ZC4H2: variants seen among roughly 807,000 people sequenced by gnomAD.
ZC4H2 encodes zinc finger C4H2-type containing.
For missense variants in ZC4H2, 137 were observed against 173.9 expected (o/e 0.79, Z 1.19); for synonymous variants, 84 against 66.3 (o/e 1.27, Z -1.30).
At chrX:64,919,291 G>A (rs1929075241) in intron 3 of ZC4H2, 87 bp from the exon 4 acceptor site, 2 of 1,078,436 alleles carry the variant, frequency 1.9e-6, no homozygotes, top group Admixed American at 2.3e-5. Context: ...TACAACCAAG[G>A]GTTGAGCTGT....
intron 1 of ZC4H2, among the ~76,000 whole-genome samples, chrX:64,992,293 C>T (rs1021201191): frequency 1.1e-4 from 12 of 111,272 alleles, no homozygotes; most frequent in Non-Finnish European, 1.7e-4. Flanking sequence ...GTTCACCTTC[C>T]CTGCCTGACT....
intron 1 of ZC4H2, among the ~76,000 whole-genome samples, chrX:65,005,567 AT>A (rs1165001423): frequency 9.0e-6 from 1 of 110,786 alleles, no homozygotes; most frequent in East Asian, 2.8e-4. Flanking sequence ...CTCAAGATGG[AT>A]TAAAGACTTA....
intron 1 of ZC4H2, among the ~76,000 whole-genome samples, chrX:64,965,019 T>C (rs1398699912): frequency 2.7e-5 from 3 of 111,877 alleles, no homozygotes; most frequent in Non-Finnish European, 5.6e-5. Flanking sequence ...ATAAGTTAAA[T>C]GGAATCATAA....
intron 1 of ZC4H2, among the ~76,000 whole-genome samples, chrX:64,993,005 C>T (rs771961206): frequency 9.0e-6 from 1 of 111,427 alleles, no homozygotes; most frequent in South Asian, 3.8e-4. Context: ...TGGTCCTGGG[C>T]CCCTTAACTG....
At chrX:64,961,688 G>A (rs1386291062) in intron 1 of ZC4H2, among the ~76,000 whole-genome samples, 1 of 110,520 alleles carries the variant, frequency 9.0e-6, no homozygotes, top group East Asian at 2.8e-4. Flanking sequence ...TAGACTAAGA[G>A]AAAATAGAAA....
intron 1 of ZC4H2, among the ~76,000 whole-genome samples, chrX:64,924,862 C>G (rs779544628): frequency 9.0e-6 from 1 of 111,058 alleles, no homozygotes; most frequent in South Asian, 3.9e-4. Context: ...TAAAACATAG[C>G]TTGGAGAATG....
At chrX:64,978,893 C>T (rs1399689147), upstream of ZC4H2, among the ~76,000 whole-genome samples, 1 of 111,257 alleles carries the variant, frequency 9.0e-6, no homozygotes, top group South Asian at 3.8e-4. Context: ...TATGAACAGC[C>T]TTTGAGATTT....
chrX:64,944,846 T>A (rs1370337058), intron 1 of ZC4H2, among the ~76,000 whole-genome samples: 3 of 112,418 alleles, frequency 2.7e-5, no homozygotes, highest in Admixed American at 9.4e-5. Context: ...ATCTCTAATA[T>A]CTTTTCTTCT....
intron 1 of ZC4H2, among the ~76,000 whole-genome samples, chrX:64,940,167 G>A (rs1041190558): frequency 2.7e-5 from 3 of 111,782 alleles, no homozygotes; most frequent in South Asian, 3.7e-4. Context: ...CAGTGATGAC[G>A]AGCTTTTCTT....
chrX:65,028,557 A>C (rs751107697), intron 1 of ZC4H2, among the ~76,000 whole-genome samples: 1 of 108,455 alleles, frequency 9.2e-6, no homozygotes, highest in Non-Finnish European at 1.9e-5. Flanking sequence ...TTTGAGACAG[A>C]GTCTTGCTCT....
intron 1 of ZC4H2, among the ~76,000 whole-genome samples, chrX:64,941,634 G>A (rs901655946): frequency 1.8e-5 from 2 of 112,117 alleles, no homozygotes; most frequent in African/African-American, 3.2e-5. Flanking sequence ...TGTCTTTTCT[G>A]CATCTATTGA....
chrX:64,996,695 A>T (rs1932420327), intron 1 of ZC4H2, among the ~76,000 whole-genome samples: 1 of 111,388 alleles, frequency 9.0e-6, no homozygotes, highest in African/African-American at 3.3e-5. Context: ...TAACTGAAAT[A>T]AAAAAAATTC....
At chrX:64,974,973 CAAAAAA>C (rs58569761) in intron 1 of ZC4H2, among the ~76,000 whole-genome samples, 1 of 35,844 alleles carries the variant, frequency 2.8e-5, no homozygotes, top group Admixed American at 3.8e-4. Context: ...ATGCTTTTGC[CAAAAAA>C]AAAAAAAAAA....
intron 1 of ZC4H2, among the ~76,000 whole-genome samples, chrX:65,015,194 T>C (rs1932789451): frequency 9.0e-6 from 1 of 111,553 alleles, no homozygotes; most frequent in African/African-American, 3.3e-5. Flanking sequence ...ATGCTAGAAA[T>C]AGGACTCAGA....
intron 1 of ZC4H2, among the ~76,000 whole-genome samples, chrX:64,985,971 G>T (rs751409301): frequency 8.9e-5 from 10 of 111,825 alleles, no homozygotes; most frequent in Non-Finnish European, 1.3e-4. Context: ...TTTAAACTGG[G>T]TTTGGCAGAA....
chrX:64,930,856 G>C (rs1246015895), intron 1 of ZC4H2, among the ~76,000 whole-genome samples: 4 of 111,275 alleles, frequency 3.6e-5, no homozygotes, highest in Non-Finnish European at 7.6e-5. Flanking sequence ...TTTGGGTATT[G>C]GGGTGACACT....
rs1183930830 is a variant in ZC4H2 at position 65,013,180 on chromosome X, G to T, written c.-272+21449C>A. ...CAGCAAGTGATATAGTCTCTGTGTGGTCTAATCCAAGTCAGTGTCTAACCT... is the reference window on the plus strand; with the variant it reads ...CAGCAAGTGATATAGTCTCTGTGTGTTCTAATCCAAGTCAGTGTCTAACCT... On this transcript the variant is annotated intron_variant, in intron 1 of 4. Coordinates refer to the ZC4H2 transcript ENST00000337990. 5.4e-5 allele frequency among the ~76,000 whole-genome samples: 6 copies of T among 111,949 alleles called. No individual in the cohort carries two copies. The Admixed American group carries it at 5.7e-4, about 11-fold the overall frequency.
At chrX:65,020,512 G>A (rs1208948622) in intron 1 of ZC4H2, among the ~76,000 whole-genome samples, 2 of 111,876 alleles carry the variant, frequency 1.8e-5, no homozygotes, top group Non-Finnish European at 3.8e-5. Flanking sequence ...CACTAGGCCT[G>A]CCTAACAAGG....
At chrX:65,023,997 A>T (rs1226075173) in intron 1 of ZC4H2, among the ~76,000 whole-genome samples, 1 of 111,378 alleles carries the variant, frequency 9.0e-6, no homozygotes, top group Non-Finnish European at 1.9e-5. Flanking sequence ...TCAGCAAACT[A>T]ACATAAGAAC....
Sources: allele counts gnomAD v4.1 joint callset (sites outside exome capture counted in the v4.1 genomes callset), GRCh38; gene constraint gnomAD v4.1.1; transcripts MANE v1.5; gene names NCBI Gene and HGNC (gene_info 2026-07-23, HGNC 2026-07-21).